Variants in MLLT10 observed in about 807,000 individuals in gnomAD.
The protein encoded by MLLT10 is MLLT10 histone lysine methyltransferase DOT1L cofactor, also known as protein AF-10.
A neutral mutation model predicts 129.1 loss-of-function variants in MLLT10; 30 were observed. The observed-to-expected ratio is 0.23, with a 90% confidence interval of 0.17 to 0.32. The LOEUF (loss-of-function observed/expected upper bound fraction) is 0.32. Among genes scored for constraint, MLLT10 ranks in the 10% least tolerant of loss-of-function variants. The pLI is 1.00. For missense variants in MLLT10, 1,119 were observed against 1,268.3 expected, an observed-to-expected ratio of 0.88 and a Z score of 1.79; for synonymous variants, 490 against 446.4, an observed-to-expected ratio of 1.10 and a Z score of -1.23.
chr10:21,733,854 C>T lies in MLLT10; in HGVS notation c.2583C>T (p.Gly861=). 1 of 1,614,172 alleles carries T rather than the reference C, an allele frequency of 6.2e-7. No homozygotes were observed. The highest frequency in any genetic ancestry group is 8.5e-7 in the Non-Finnish European group (1 of 1,180,028). ...PPAGQSPAQQ[G]SGVSGVQQVN... ...CTGGGCAGAGTCCGGCTCAACAAGG[C>T]TCAGGAGTGAGTGGAGTTCAGCAGG... Residue 861 remains glycine, a synonymous_variant, in exon 20 of 23, where the codon GGC becomes GGT. Coordinates refer to ENST00000307729, the MANE Select transcript of MLLT10 (RefSeq NM_001195626.3).
At chr10:21,707,189 A>ATTTTTT (rs1199544245) in intron 13 of MLLT10, among the ~76,000 whole-genome samples, 5 of 122,500 alleles carry the variant, frequency 4.1e-5, no homozygotes, top group South Asian at 2.5e-4. Context: ...AGTTTAGATG[A>ATTTTTT]TTTTTTTTTT....
chr10:21,632,057 A>G (rs2047061590), intron 8 of MLLT10, among the ~76,000 whole-genome samples: 1 of 151,902 alleles, frequency 6.6e-6, no homozygotes, highest in Admixed American at 6.6e-5. Context: ...TTAACTGAGT[A>G]GTATTTGGGA....
chr10:21,534,115 C>CG (rs1564351654), upstream of MLLT10: 3 of 299,658 alleles, frequency 1.0e-5, no homozygotes, highest in Non-Finnish European at 1.8e-5. Flanking sequence ...GCGAGCGGCG[C>CG]GGGGGAGGGG....
At chr10:21,737,622 G>A (rs2058479508) in intron 21 of MLLT10, among the ~76,000 whole-genome samples, 1 of 152,078 alleles carries the variant, frequency 6.6e-6, no homozygotes, top group African/African-American at 2.4e-5. Flanking sequence ...GGAGATGGGT[G>A]TTAACGGTTA....
intron 3 of MLLT10, among the ~76,000 whole-genome samples, chr10:21,546,485 A>T (rs753325189): frequency 6.0e-5 from 9 of 149,876 alleles, no homozygotes; most frequent in Non-Finnish European, 1.0e-4. Flanking sequence ...GCTTACTGCA[A>T]CCTCCGCCTC....
intron 14 of MLLT10, among the ~76,000 whole-genome samples, chr10:21,720,415 T>A (rs2057046148): frequency 6.6e-6 from 1 of 152,254 alleles, no homozygotes; most frequent in African/African-American, 2.4e-5. Flanking sequence ...ATGGGTCTGC[T>A]ATCAGAATAT....
chr10:21,587,312 T>G (rs2042079912), intron 4 of MLLT10, among the ~76,000 whole-genome samples: 1 of 149,972 alleles, frequency 6.7e-6, no homozygotes, highest in African/African-American at 2.5e-5. Context: ...TCCAGCTACT[T>G]GGGAAGCTGA....
At chr10:21,587,767 T>C (rs532240026) in intron 4 of MLLT10, among the ~76,000 whole-genome samples, 1 of 152,328 alleles carries the variant, frequency 6.6e-6, no homozygotes, top group Non-Finnish European at 1.5e-5. Flanking sequence ...ATATATATTT[T>C]ACAGTTTAAT....
At chr10:21,726,595 T>C (rs1384129050) in intron 15 of MLLT10, among the ~76,000 whole-genome samples, 1 of 151,982 alleles carries the variant, frequency 6.6e-6, no homozygotes, top group Non-Finnish European at 1.5e-5. Flanking sequence ...TACTCCAAAT[T>C]TATATAATTA....
chr10:21,589,586 CT>C (rs1341912100), intron 4 of MLLT10, among the ~76,000 whole-genome samples: 2 of 152,108 alleles, frequency 1.3e-5, no homozygotes, highest in Non-Finnish European at 2.9e-5. Context: ...TTACTATGTG[CT>C]TTTTTCCTCT....
intron 3 of MLLT10, among the ~76,000 whole-genome samples, chr10:21,578,778 G>A (rs1254408354): frequency 2.6e-5 from 4 of 152,154 alleles, no homozygotes; most frequent in Non-Finnish European, 4.4e-5. Context: ...TACAAAGCTT[G>A]TAAGTTGTTC....
chr10:21,541,467 C>T (rs1209955989), intron 3 of MLLT10: 2 of 152,214 alleles, frequency 1.3e-5, no homozygotes, highest in Admixed American at 6.6e-5. Flanking sequence ...CTCACTGCAA[C>T]CTCTGCCTCC....
intron 13 of MLLT10, among the ~76,000 whole-genome samples, chr10:21,702,751 TC>T (rs35001083): frequency 6.6e-6 from 1 of 152,194 alleles, no homozygotes; most frequent in African/African-American, 2.4e-5. Flanking sequence ...CCTGCTTACT[TC>T]CTGTGGTTTC....
rs35043348 is a variant in MLLT10, at chr10:21,704,611, C to CTT, written c.1700-9147_1700-9146dup. Among the ~76,000 whole-genome samples the CTT allele has an allele frequency of 8.2e-3, 1,044 of 127,910 alleles. 14 individuals are homozygous for CTT. The highest frequency in any genetic ancestry group is 0.018 in the East Asian group (79 of 4,438). 83.9% of individuals were successfully genotyped at this position (127,910 alleles called of 152,430 possible). The stretch of plus-strand genomic sequence containing the variant: ...GCCCTTTGGAGGTGTCTCTCTCTCG[C>CTT]TTTTTTTTTTTTTTTGGCTTTTTAA... On this transcript the variant is annotated intron_variant, in intron 13 of 22. Coordinates refer to ENST00000307729, the MANE Select transcript of MLLT10 (RefSeq NM_001195626.3).
At chr10:21,570,416 TGCCCTGTTATACA>T (rs2040079505) in intron 3 of MLLT10, among the ~76,000 whole-genome samples, 1 of 152,134 alleles carries the variant, frequency 6.6e-6, no homozygotes, top group African/African-American at 2.4e-5. Context: ...ATTAAAAGAG[TGCCCTGTTATACA>T]TGCTTATAAT....
At chr10:21,611,909 C>T (rs2044693722) in intron 5 of MLLT10, among the ~76,000 whole-genome samples, 1 of 151,888 alleles carries the variant, frequency 6.6e-6, no homozygotes, top group South Asian at 2.1e-4. Flanking sequence ...TTATTTGTCT[C>T]TTAGGTCCCA....
intron 6 of MLLT10, among the ~76,000 whole-genome samples, chr10:21,614,010 A>G: frequency 6.6e-6 from 1 of 151,890 alleles, no homozygotes; most frequent in Non-Finnish European, 1.5e-5. Flanking sequence ...CGCTTGAGTT[A>G]AAGAGCAGTC....
At position 21,695,126 on chromosome 10, in the gene MLLT10, G is replaced by C. The variant is rs572001604; in HGVS notation, c.1699+12869G>C. On this transcript the variant is annotated intron_variant, in intron 13 of 22. Transcript: ENST00000307729. ...CTCTGTCGTCCAAGGCTGGAGTGCA[G>C]TGGTCTGATCTTGGCTCACTGCAAC... Among the ~76,000 whole-genome samples the C allele has an allele frequency of 4.2e-5, 6 of 141,754 alleles. No individual in the cohort carries two copies. In the South Asian group the frequency reaches 6.7e-4, roughly 16 times the overall value. 93.0% of individuals were successfully genotyped at this position (141,754 alleles called of 152,430 possible). A position where few individuals can be genotyped will look rare whatever the true frequency, so the allele number is the denominator to read the frequency against.
intron 3 of MLLT10, chr10:21,564,373 TAC>T (rs2039271745): frequency 2.0e-5 from 3 of 152,106 alleles, no homozygotes. Context: ...TACAGGCCAC[TAC>T]ACACGCGTCA....
Sources: allele counts gnomAD v4.1 joint callset (sites outside exome capture counted in the v4.1 genomes callset), GRCh38; gene constraint gnomAD v4.1.1; transcripts MANE v1.5; gene names NCBI Gene and HGNC (gene_info 2026-07-23, HGNC 2026-07-21).